Variants in DLG4 observed in about 807,000 individuals in gnomAD.
DLG4 encodes discs large MAGUK scaffold protein 4.
Under a neutral mutation model 93.8 loss-of-function variants are expected in DLG4, and 7 were observed. The ratio of observed to expected loss-of-function variants is 0.07; its 90% CI spans 0.04 to 0.14. DLG4 has a LOEUF of 0.14. Among genes scored for constraint, DLG4 ranks in the 10% least tolerant of loss-of-function variants. DLG4 has a pLI of 1.00. For synonymous variants in DLG4, 341 were observed against 387.6 expected, an observed-to-expected ratio of 0.88 and a Z score of 1.41; for missense variants, 545 against 992.9, an observed-to-expected ratio of 0.55 and a Z score of 6.06.
chr17:7,208,317 C>G lies in DLG4; in HGVS notation c.31-78G>C. On this transcript the variant is annotated intron_variant, in intron 1 of 19. Coordinates refer to ENST00000399506, the MANE Select transcript of DLG4 (RefSeq NM_001321075.3). The surrounding 1 kb of genome is among the most constrained non-coding windows in gnomAD (Gnocchi z 5.4). ...AGGCTGGCCGCCCTGGCCGCCGCCT[C>G]TTCCCCCAGCCAGTGCAGTGCGGAA... is the stretch of plus-strand genomic sequence containing the variant. 8.0e-7 allele frequency: 1 copy of G among 1,246,278 alleles called. No individual in the cohort carries two copies. Among genetic ancestry groups the G allele is most frequent in the Non-Finnish European group, 1.0e-6 (1 of 969,784 alleles). 77.2% of individuals were successfully genotyped at this position (1,246,278 alleles called of 1,614,324 possible). A position where few individuals can be genotyped will look rare whatever the true frequency, so the allele number is the denominator to read the frequency against.
chr17:7,207,328 G>A (rs1329887971), intron 2 of DLG4, among the ~76,000 whole-genome samples: 1 of 151,962 alleles, frequency 6.6e-6, no homozygotes. Flanking sequence ...TGCGTGGGAG[G>A]AAGAGAGAGA....
At chr17:7,216,871 C>T (rs189750951) in intron 1 of DLG4, among the ~76,000 whole-genome samples, 1 of 151,992 alleles carries the variant, frequency 6.6e-6, no homozygotes, top group African/African-American at 2.4e-5. Flanking sequence ...CCCGCCAGGC[C>T]CCCCGAACCA....
chr17:7,190,603 G>C lies in DLG4; in HGVS notation c.*105C>G. ...AGTTAGAAAGGAAATAAATAAGAAGGGGTGGGAGGGAGGCCGGGGGGAGCC... is the reference window on the plus strand; with the variant it reads ...AGTTAGAAAGGAAATAAATAAGAAGCGGTGGGAGGGAGGCCGGGGGGAGCC... On this transcript the variant is annotated 3_prime_UTR_variant, in exon 20 of 20. Transcript: ENST00000399506. 1.2e-6 allele frequency: 1 copy of C among 823,298 alleles called. No homozygotes were observed. Among genetic ancestry groups the C allele is most frequent in the East Asian group, 2.5e-5 (1 of 39,822 alleles). The allele number at this position is 823,298 out of a possible 1,614,324, so 51.0% of individuals were successfully genotyped here.
In DLG4 at chr17:7,193,704, G is replaced by A; in HGVS notation, c.1554C>T (p.Asp518=). 4 of 1,575,382 alleles carry A rather than the reference G, an allele frequency of 2.5e-6. No homozygotes were observed. The highest frequency in any genetic ancestry group is 3.4e-6 in the Non-Finnish European group (4 of 1,160,628). The change falls in exon 15 of 20, where the codon GAC becomes GAT. Residue 518 remains aspartate (D), a synonymous_variant. Transcript: ENST00000399506. This position sits in a 1 kb window ranked among gnomAD's most constrained non-coding sequence, Gnocchi z 6.7. ...GSSSGSQGRE[D]SVLSYETVTQ... Reference sequence around the variant, plus strand: ...TCACTGTCTCGTAGCTCAGAACCGAGTCTTCTCGACCTGGTGGGAGGTGGG... The same window carrying A: ...TCACTGTCTCGTAGCTCAGAACCGAATCTTCTCGACCTGGTGGGAGGTGGG...
intron 1 of DLG4, among the ~76,000 whole-genome samples, chr17:7,209,343 G>A (rs1279728068): frequency 2.0e-5 from 3 of 152,248 alleles, no homozygotes; most frequent in South Asian, 2.1e-4. Flanking sequence ...TTCCGTGTCC[G>A]CCTCTGCCCT....
At chr17:7,202,026 C>G (rs2070163607) in intron 8 of DLG4, among the ~76,000 whole-genome samples, 1 of 152,160 alleles carries the variant, frequency 6.6e-6, no homozygotes, top group Non-Finnish European at 1.5e-5. Flanking sequence ...TTACTAAAAG[C>G]TTTCATCCAA....
At chr17:7,199,595 G>C (rs1048554833) in intron 8 of DLG4, among the ~76,000 whole-genome samples, 1 of 152,140 alleles carries the variant, frequency 6.6e-6, no homozygotes, top group East Asian at 1.9e-4. Context: ...TGGATCCTGT[G>C]TCTTTGCTGA....
rs985965341 is a variant in DLG4, at chr17:7,191,153, C to T, written c.2068+114G>A. 4.3e-6 allele frequency: 4 copies of T among 940,176 alleles called. No homozygotes were observed. Among genetic ancestry groups the T allele is most frequent in the Non-Finnish European group, 6.6e-6 (4 of 607,758 alleles). 58.2% of individuals were successfully genotyped at this position (940,176 alleles called of 1,614,324 possible). ...GGGATTACAGGCGTGAGCCACCATG[C>T]CGCGCCCACAGGGGCACCTCTTTCT... On this transcript the variant is annotated intron_variant, in intron 19 of 19. Transcript: ENST00000399506. The surrounding 1 kb of genome is among the most constrained non-coding windows in gnomAD (Gnocchi z 6.6).
chr17:7,193,200 T>A lies in DLG4; in HGVS notation c.1694-83A>T. 1 of 1,553,768 alleles carries A rather than the reference T, an allele frequency of 6.4e-7. No homozygotes were observed. The highest frequency in any genetic ancestry group is 8.8e-7 in the Non-Finnish European group (1 of 1,139,680). On this transcript the variant is annotated intron_variant, in intron 16 of 19. Coordinates refer to ENST00000399506, the MANE Select transcript of DLG4 (RefSeq NM_001321075.3). This position sits in a 1 kb window ranked among gnomAD's most constrained non-coding sequence, Gnocchi z 6.7. Reference sequence around the variant, plus strand: ...CCTGCCTACTTCAATCAAATCCCCATAGTGCCCAGCTGGTCCTTTGGTGAA... The same window carrying A: ...CCTGCCTACTTCAATCAAATCCCCAAAGTGCCCAGCTGGTCCTTTGGTGAA...
Position 7,189,596 on chromosome 17 carries a change from T to TGTTG in DLG4, c.*1108_*1111dup, listed in dbSNP as rs548741776. 1.0e-3 allele frequency among the ~76,000 whole-genome samples: 158 copies of TGTTG among 152,332 alleles called. 1 individual carries two copies. The highest frequency in any genetic ancestry group is 1.8e-3 in the Admixed American group (28 of 15,304). ...TTCCTCTCTATTTTCCTTTAAGGAC[T>TGTTG]GTTGTGCTTCCCAACAGGACTGAGA... On this transcript the variant is annotated 3_prime_UTR_variant, in exon 20 of 20. Coordinates refer to ENST00000399506, the MANE Select transcript of DLG4 (RefSeq NM_001321075.3).
chr17:7,196,569 C>T lies in DLG4; in HGVS notation c.1090G>A (p.Gly364Ser), dbSNP rs1462505009. 8 of 1,613,822 alleles carry T rather than the reference C, an allele frequency of 5.0e-6. No homozygotes were observed. Among genetic ancestry groups the T allele is most frequent in the South Asian group, 2.2e-5 (2 of 91,068 alleles). The change falls in exon 10 of 20, where the codon GGT becomes AGT. Residue 364 changes from glycine to serine, a missense_variant. Gly to Ser is a moderately conservative substitution (Grantham distance 56). Coordinates refer to ENST00000399506, the MANE Select transcript of DLG4 (RefSeq NM_001321075.3). The surrounding 1 kb of genome is among the most constrained non-coding windows in gnomAD (Gnocchi z 8.3). ...RKGDQILSVN[G>S]VDLRNASHEQ... ...TGGCTGGCATTTCGGAGGTCCACACCGTTGACCTAGAGAGAGGACGACAGG... is the reference window on the plus strand; with the variant it reads ...TGGCTGGCATTTCGGAGGTCCACACTGTTGACCTAGAGAGAGGACGACAGG...
Position 7,203,995 on chromosome 17 carries a change from G to A in DLG4, c.210+13C>T. On this transcript the variant is annotated intron_variant, in intron 4 of 19. Coordinates refer to ENST00000399506, the MANE Select transcript of DLG4 (RefSeq NM_001321075.3). The surrounding 1 kb of genome is among the most constrained non-coding windows in gnomAD (Gnocchi z 7.2). ...GGAGGCCACGGGGACTGCCGATGGA[G>A]GAGCCTGCTCACCCTTTCCAATGTG... 2.5e-6 allele frequency: 4 copies of A among 1,610,668 alleles called. No individual in the cohort carries two copies. The highest frequency in any genetic ancestry group is 3.4e-6 in the Non-Finnish European group (4 of 1,178,502).
At position 7,196,901 on chromosome 17, in the gene DLG4, T is replaced by C; in HGVS notation, c.939A>G (p.Arg313=). 6.2e-7 allele frequency: 1 copy of C among 1,613,710 alleles called. No homozygotes were observed. Among genetic ancestry groups the C allele is most frequent in the South Asian group, 1.1e-5 (1 of 91,014 alleles). ...CCGTGGAGCCCCGGTGGATCACAAT[T>C]CGCCTCGGTTCTCGGGGAATGTCTT... ...GEEDIPREPR[R]IVIHRGSTGL... is the part of the protein sequence containing the mutation. The change falls in exon 9 of 20, where the codon CGA becomes CGG. Residue 313 remains arginine (R), a synonymous_variant. Transcript: ENST00000399506. The surrounding 1 kb of genome is among the most constrained non-coding windows in gnomAD (Gnocchi z 8.3).
chr17:7,213,650 C>A lies in DLG4; in HGVS notation c.30+3468G>T, dbSNP rs1049954608. Among the ~76,000 whole-genome samples the A allele has an allele frequency of 2.0e-5, 3 of 152,210 alleles. No individual in the cohort carries two copies. In the South Asian group the frequency reaches 6.2e-4, roughly 32 times the overall value. The stretch of plus-strand genomic sequence containing the variant: ...TCAGAGATTTCCATTTTCTCCCAAA[C>A]AACTTAACCTGAAAGCCTCTCTTCC... On this transcript the variant is annotated intron_variant, in intron 1 of 19. Coordinates refer to ENST00000399506, the MANE Select transcript of DLG4 (RefSeq NM_001321075.3).
rs2069334385 is a variant in DLG4, at chr17:7,187,894, C to A, written c.*2814G>T. On this transcript the variant is annotated 3_prime_UTR_variant, in exon 20 of 20. Transcript: ENST00000399506. ...GACCAGCTTGGCTAACATGGTGAAA[C>A]CCCGTTTCTACTAAAAATATTAAAA... 6.6e-6 allele frequency among the ~76,000 whole-genome samples: 1 copy of A among 152,014 alleles called. No homozygotes were observed. The highest frequency in any genetic ancestry group is 2.1e-4 in the South Asian group (1 of 4,818).
chr17:7,200,648 G>A (rs1374245438), intron 8 of DLG4, among the ~76,000 whole-genome samples: 1 of 151,868 alleles, frequency 6.6e-6, no homozygotes, highest in African/African-American at 2.4e-5. Context: ...CCAGGTTCAA[G>A]CAATTCTCCT....
chr17:7,194,698 C>T lies in DLG4; in HGVS notation c.1302-203G>A, dbSNP rs2069677827. 1.3e-5 allele frequency among the ~76,000 whole-genome samples: 2 copies of T among 152,202 alleles called. No homozygotes were observed. Among genetic ancestry groups the T allele is most frequent in the Admixed American group, 1.3e-4 (2 of 15,284 alleles). ...GCCATCACTCAGTCCACACTGAGCA[C>T]AGTTTCCAGAGGCAGGGCTTGAACT... is the stretch of plus-strand genomic sequence containing the variant. On this transcript the variant is annotated intron_variant, in intron 11 of 19. Coordinates refer to ENST00000399506, the MANE Select transcript of DLG4 (RefSeq NM_001321075.3). The surrounding 1 kb of genome is among the most constrained non-coding windows in gnomAD (Gnocchi z 4.4).
intron 8 of DLG4, among the ~76,000 whole-genome samples, chr17:7,197,408 TC>T (rs915381808): frequency 8.6e-5 from 13 of 151,894 alleles, no homozygotes; most frequent in African/African-American, 2.9e-4. Context: ...CCCTCTTTTT[TC>T]CCCCCACCTC....
Position 7,196,625 on chromosome 17 carries a change from C to T in DLG4, c.1084-50G>A. 6.2e-7 allele frequency: 1 copy of T among 1,608,842 alleles called. No individual in the cohort carries two copies. Among genetic ancestry groups the T allele is most frequent in the South Asian group, 1.1e-5 (1 of 90,722 alleles). ...TCACCAGAGACAGGAGGCAGCACTT[C>T]TGGGTCCAGGTGGAGCAGGGAGTGG... On this transcript the variant is annotated intron_variant, in intron 9 of 19. Transcript: ENST00000399506. This position sits in a 1 kb window ranked among gnomAD's most constrained non-coding sequence, Gnocchi z 8.3.
Sources: allele counts gnomAD v4.1 joint callset (sites outside exome capture counted in the v4.1 genomes callset), GRCh38; gene constraint gnomAD v4.1.1; non-coding constraint Gnocchi (gnomAD v3.1); transcripts MANE v1.5; gene names NCBI Gene and HGNC (gene_info 2026-07-23, HGNC 2026-07-21).